CDH2: variants seen among roughly 807,000 people sequenced by gnomAD.
The protein encoded by CDH2 is cadherin 2.
Under a neutral mutation model 92.0 loss-of-function variants are expected in CDH2, and 17 were observed. The observed-to-expected ratio is 0.18, with a 90% CI of 0.13 to 0.28. The LOEUF (loss-of-function observed/expected upper bound fraction) is 0.28. CDH2 is among the 10% of genes least tolerant of loss of function. The pLI is 1.00. For synonymous variants in CDH2, 419 were observed against 415.9 expected (o/e 1.01, Z -0.09); for missense variants, 862 against 1,133.1 (o/e 0.76, Z 3.44).
chr18:28,018,911 G>GTA (rs1201412486), intron 2 of CDH2, among the ~76,000 whole-genome samples: 7 of 149,438 alleles, frequency 4.7e-5, no homozygotes, highest in African/African-American at 1.5e-4. Flanking sequence ...ATATGTGTGT[G>GTA]TATATATATA....
At chr18:27,980,303 G>A (rs111967868) in intron 14 of CDH2, among the ~76,000 whole-genome samples, 4 of 152,248 alleles carry the variant, frequency 2.6e-5, no homozygotes, top group African/African-American at 7.2e-5. Context: ...TGGGTGCAGC[G>A]CTGAAGAGCT....
At chr18:28,077,164 A>G (rs527871381) in intron 2 of CDH2, among the ~76,000 whole-genome samples, 4 of 152,174 alleles carry the variant, frequency 2.6e-5, no homozygotes, top group Admixed American at 6.5e-5. Flanking sequence ...TGTCTGGAAC[A>G]CTGGCCACAC....
At chr18:28,010,683 G>C (rs1822422) in intron 4 of CDH2, among the ~76,000 whole-genome samples, 12 of 147,654 alleles carry the variant, frequency 8.1e-5, no homozygotes, top group African/African-American at 2.8e-4. Context: ...TTTTTTTTGC[G>C]GGGGGGGAAG....
At position 28,140,910 on chromosome 18, in the gene CDH2, ACC is replaced by A. The variant is rs1206470132; in HGVS notation, c.172+6761_172+6762del. On this transcript the variant is annotated intron_variant, in intron 2 of 15. Transcript: ENST00000269141. ...CTCCAAACAAGATATATATATATAT[ACC>A]TATATATATATATAGGTATGAAATA... Among the ~76,000 whole-genome samples the A allele has an allele frequency of 3.9e-3, 578 of 149,584 alleles. 5 individuals are homozygous for A. The highest frequency in any genetic ancestry group is 0.013 in the African/African-American group (543 of 40,752).
intron 1 of CDH2, among the ~76,000 whole-genome samples, chr18:28,160,184 C>T: frequency 6.6e-6 from 1 of 151,648 alleles, no homozygotes; most frequent in Non-Finnish European, 1.5e-5. Flanking sequence ...AGCAGGACCT[C>T]AGGAAAGACT....
At chr18:28,127,866 G>T (rs79537200) in intron 2 of CDH2, among the ~76,000 whole-genome samples, 229 of 152,306 alleles carry the variant, frequency 1.5e-3, no homozygotes, top group African/African-American at 5.0e-3. Flanking sequence ...ATGTGCACAG[G>T]TATCAAAGCA....
rs569937656 is a variant in CDH2, at chr18:28,058,445, C to T, written c.173-44536G>A. ...CCTTGGTTCAAGGTTAAAATGGCCC[C>T]TCCAGGCTCACGCAACTGTATACCT... On this transcript the variant is annotated intron_variant, in intron 2 of 15. Transcript: ENST00000269141. Among the ~76,000 whole-genome samples the T allele has an allele frequency of 2.6e-5, 4 of 152,280 alleles. No homozygotes were observed. The East Asian group carries it at 7.7e-4, about 29-fold the overall frequency.
intron 11 of CDH2, among the ~76,000 whole-genome samples, chr18:27,987,685 G>A (rs987715791): frequency 2.6e-5 from 4 of 152,136 alleles, no homozygotes; most frequent in East Asian, 1.9e-4. Flanking sequence ...TGGTTAGTTC[G>A]TGTCAGCCAC....
intron 2 of CDH2, among the ~76,000 whole-genome samples, chr18:28,082,447 A>T (rs8091314): frequency 0.26 from 40,229 of 152,008 alleles, 6,293 homozygotes; most frequent in African/African-American, 0.42. Flanking sequence ...ATAGGCATGG[A>T]TACATTCCTT....
intron 11 of CDH2, among the ~76,000 whole-genome samples, chr18:27,986,048 T>A (rs1382165282): frequency 6.6e-6 from 1 of 152,138 alleles, no homozygotes; most frequent in East Asian, 1.9e-4. Context: ...TCCTGCCCAT[T>A]ATTCAGGGCT....
rs201974265 is a variant in CDH2, at chr18:27,990,141, T to G, written c.1554A>C (p.Thr518=). Residue 518 remains threonine (T), a synonymous_variant, in exon 10 of 16, where the codon ACA becomes ACC. Coordinates refer to ENST00000269141, the MANE Select transcript of CDH2 (RefSeq NM_001792.5). Reference sequence around the variant, plus strand: ...ATCGATCTGGGTCCTGAGCAGTGAATGTTGTCAACATGGTACCGGCATGAA... The same window carrying G: ...ATCGATCTGGGTCCTGAGCAGTGAAGGTTGTCAACATGGTACCGGCATGAA... The part of the protein sequence containing the change: ...EGLHAGTMLT[T]FTAQDPDRYM... The G allele has an allele frequency of 6.2e-7, 1 of 1,613,972 alleles. No individual in the cohort carries two copies. Among genetic ancestry groups the G allele is most frequent in the African/African-American group, 1.3e-5 (1 of 74,932 alleles).
chr18:27,964,830 G>A (rs2011497293), intron 14 of CDH2, among the ~76,000 whole-genome samples: 1 of 152,170 alleles, frequency 6.6e-6, no homozygotes, highest in African/African-American at 2.4e-5. Context: ...AGATTCCAAA[G>A]CCTGGCTCTC....
chr18:28,019,773 AT>A (rs1191948862), intron 2 of CDH2, among the ~76,000 whole-genome samples: 1 of 152,118 alleles, frequency 6.6e-6, no homozygotes, highest in Non-Finnish European at 1.5e-5. Flanking sequence ...GCTAATTCTC[AT>A]TTGCTCAAAT....
chr18:28,166,164 A>ATATATATATATATATG (rs1243621340), intron 1 of CDH2, among the ~76,000 whole-genome samples: 16 of 138,508 alleles, frequency 1.2e-4, no homozygotes, highest in South Asian at 4.6e-4. Flanking sequence ...ATATATATAT[A>ATATATATATATATATG]TATATATATG....
At chr18:28,012,734 C>T (rs1017127023) in intron 3 of CDH2, among the ~76,000 whole-genome samples, 26 of 152,058 alleles carry the variant, frequency 1.7e-4, no homozygotes, top group African/African-American at 6.3e-4. Context: ...ACATGACTTC[C>T]CTCAACAGTT....
At chr18:28,071,770 T>C (rs1219021587) in intron 2 of CDH2, among the ~76,000 whole-genome samples, 7 of 152,280 alleles carry the variant, frequency 4.6e-5, no homozygotes. Context: ...GCTTGAGTAA[T>C]GCTTTCTCTC....
At chr18:28,103,471 G>GTATATATA (rs1389138598) in intron 2 of CDH2, among the ~76,000 whole-genome samples, 1 of 79,090 alleles carries the variant, frequency 1.3e-5, no homozygotes, top group African/African-American at 4.9e-5. Flanking sequence ...CATAAAGTAT[G>GTATATATA]TATATATATA....
At chr18:28,001,441 C>T (rs747378755) in intron 7 of CDH2, among the ~76,000 whole-genome samples, 1 of 152,146 alleles carries the variant, frequency 6.6e-6, no homozygotes, top group Non-Finnish European at 1.5e-5. Context: ...ATGAAATGAA[C>T]TAAATCTACT....
intron 1 of CDH2, among the ~76,000 whole-genome samples, chr18:28,160,239 G>A (rs148487173): frequency 3.9e-5 from 6 of 152,080 alleles, no homozygotes; most frequent in Admixed American, 6.5e-5. Flanking sequence ...GATGCACAGC[G>A]ACCTTAGCCC....
Sources: gnomAD v4.1 joint callset for allele counts (sites outside exome capture counted in the v4.1 genomes callset) on GRCh38, gnomAD v4.1.1 for gene constraint, MANE v1.5 for transcripts, NCBI Gene and HGNC (gene_info 2026-07-23, HGNC 2026-07-21) for gene names.